The following ANKDD1B variants were observed in gnomAD, a reference collection of about 807,000 sequenced individuals.
ANKDD1B encodes ankyrin repeat and death domain-containing protein 1B.
A neutral mutation model predicts 59.7 loss-of-function variants in ANKDD1B; 57 were observed. The observed-to-expected ratio is 0.95, with a 90% CI of 0.77 to 1.19. The LOEUF (loss-of-function observed/expected upper bound fraction) is 1.19. Among genes scored for constraint, ANKDD1B ranks in the 50% most tolerant of loss-of-function variants. The pLI, the probability that ANKDD1B is intolerant of heterozygous loss-of-function variation, is 0.00. For missense variants in ANKDD1B, 602 were observed against 641.9 expected (o/e 0.94, Z 0.67); for synonymous variants, 216 against 239.5 (o/e 0.90, Z 0.91).
intron 1 of ANKDD1B, among the ~76,000 whole-genome samples, chr5:75,615,307 T>A (rs748952916): frequency 9.2e-5 from 14 of 152,150 alleles, no homozygotes; most frequent in Non-Finnish European, 2.1e-4. Context: ...ATTTGATGGC[T>A]AAGGTCAGAT....
chr5:75,653,331 T>A, intron 8 of ANKDD1B, 91 bp downstream of exon 8: 3 of 839,530 alleles, frequency 3.6e-6, no homozygotes. Flanking sequence ...GTGTAGGAGA[T>A]GAGATGTTTC....
chr5:75,665,571 T>C (rs956966234), intron 11 of ANKDD1B, among the ~76,000 whole-genome samples: 26 of 152,278 alleles, frequency 1.7e-4, no homozygotes, highest in Admixed American at 1.6e-3. Flanking sequence ...TGAGGCTGGG[T>C]TGGAGAAGAC....
At chr5:75,665,735 T>C (rs1399929990) in intron 11 of ANKDD1B, among the ~76,000 whole-genome samples, 1 of 152,196 alleles carries the variant, frequency 6.6e-6, no homozygotes, top group African/African-American at 2.4e-5. Context: ...CTTGTCGAGC[T>C]TCCTGGAGGA....
rs1194132692 is a variant in ANKDD1B at position 75,611,609 on chromosome 5, T to C, written c.-26T>C. On this transcript the variant is annotated 5_prime_UTR_variant, in exon 1 of 14. Coordinates refer to ENST00000601380, the MANE Select transcript of ANKDD1B (RefSeq NM_001276713.2). ...CTGGGTCCGAGTCTGGGTCTGGCCCTGCGCTCAGGGCCCGCGGAGGAGACT... is the reference window on the plus strand; with the variant it reads ...CTGGGTCCGAGTCTGGGTCTGGCCCCGCGCTCAGGGCCCGCGGAGGAGACT... 4.9e-6 allele frequency: 6 copies of C among 1,230,578 alleles called. No homozygotes were observed. The highest frequency in any genetic ancestry group is 5.1e-6 in the Non-Finnish European group (5 of 987,338). The allele number at this position is 1,230,578 out of a possible 1,614,324, so 76.2% of individuals were successfully genotyped here. A position where few individuals can be genotyped will look rare whatever the true frequency, so the allele number is the denominator to read the frequency against.
At chr5:75,611,939 C>A (rs1020719941) in intron 1 of ANKDD1B, 112 bp downstream of exon 1, 17 of 906,438 alleles carry the variant, frequency 1.9e-5, no homozygotes, top group Non-Finnish European at 2.3e-5. Context: ...GGGAAACTGG[C>A]GAGGCGACTC....
At chr5:75,621,670 A>G (rs574067287) in intron 3 of ANKDD1B, among the ~76,000 whole-genome samples, 71 of 152,310 alleles carry the variant, frequency 4.7e-4, no homozygotes, top group African/African-American at 1.6e-3. Flanking sequence ...CATTGCCCAT[A>G]TTAGATTGCA....
At chr5:75,625,006 TG>T (rs1773952998) in intron 3 of ANKDD1B, among the ~76,000 whole-genome samples, 1 of 152,244 alleles carries the variant, frequency 6.6e-6, no homozygotes, top group Non-Finnish European at 1.5e-5. Context: ...ATTCCTATGT[TG>T]ATAGGCTTTT....
At position 75,620,409 on chromosome 5, in the gene ANKDD1B, A is replaced by T; in HGVS notation, c.392A>T (p.Asp131Val). The change falls in exon 3 of 14, where the codon GAT (aspartate) becomes GTT (valine). Residue 131 changes from aspartate (D) to valine (V), a missense_variant. Asp to Val is a radical substitution (Grantham distance 152). Coordinates refer to ENST00000601380, the MANE Select transcript of ANKDD1B (RefSeq NM_001276713.2). The part of the protein sequence containing the change: ...LKHKARVDVA[D>V]KHGLTVIHLA... ...CACAAGGCCAGGGTGGATGTTGCTG[A>T]TAAGGTAAGCTCATCTTGAGTAGAA... 1 of 1,525,894 alleles carries T rather than the reference A, an allele frequency of 6.6e-7. No individual in the cohort carries two copies. The highest frequency in any genetic ancestry group is 8.8e-7 in the Non-Finnish European group (1 of 1,137,854). 94.5% of individuals were successfully genotyped at this position (1,525,894 alleles called of 1,614,324 possible). A position where few individuals can be genotyped will look rare whatever the true frequency, so the allele number is the denominator to read the frequency against.
At chr5:75,620,194 G>A (rs774115538) in intron 2 of ANKDD1B, 121 bp from the exon 3 acceptor site, 8 of 585,806 alleles carry the variant, frequency 1.4e-5, no homozygotes, top group Non-Finnish European at 2.4e-5. Flanking sequence ...AAGGCAAAGA[G>A]TGGAGCCAAA....
intron 8 of ANKDD1B, among the ~76,000 whole-genome samples, chr5:75,655,390 G>A (rs537602794): frequency 6.6e-5 from 10 of 152,292 alleles, no homozygotes; most frequent in African/African-American, 2.2e-4. Context: ...AGGGGGACAC[G>A]AGTCCTACAG....
intron 5 of ANKDD1B, 40 bp from the exon 6 acceptor site, chr5:75,634,858 A>C: frequency 7.7e-7 from 1 of 1,298,108 alleles, no homozygotes; most frequent in Non-Finnish European, 1.1e-6. Flanking sequence ...TTGTTCACTA[A>C]GACTGTAATA....
chr5:75,654,734 C>T (rs959478804), intron 8 of ANKDD1B, among the ~76,000 whole-genome samples: 8 of 152,156 alleles, frequency 5.3e-5, no homozygotes, highest in African/African-American at 1.7e-4. Context: ...ATAAGCACCA[C>T]GATGAGAATG....
In ANKDD1B at chr5:75,616,846, A is replaced by C; in HGVS notation, c.236A>C (p.Asn79Thr). 1 of 1,533,246 alleles carries C rather than the reference A, an allele frequency of 6.5e-7. No individual in the cohort carries two copies. The highest frequency in any genetic ancestry group is 8.7e-7 in the Non-Finnish European group (1 of 1,144,478). 95.0% of individuals were successfully genotyped at this position (1,533,246 alleles called of 1,614,324 possible). A position where few individuals can be genotyped will look rare whatever the true frequency, so the allele number is the denominator to read the frequency against. Residue 79 changes from asparagine (N) to threonine (T), a missense_variant, in exon 2 of 14, where the codon AAT (asparagine) becomes ACT (threonine). Asn to Thr is a moderately conservative substitution (Grantham distance 65). Transcript: ENST00000601380. Reference sequence around the variant, plus strand: ...AGCTTTCAGAATGCTGCTAAAAGCAATAATTTGGATCTTATGGAGAAGCTG... The same window carrying C: ...AGCTTTCAGAATGCTGCTAAAAGCACTAATTTGGATCTTATGGAGAAGCTG... ...ERSFQNAAKS[N>T]NLDLMEKLFE...
In ANKDD1B at chr5:75,616,795, TTC is replaced by T; in HGVS notation, c.194-7_194-6del. ...TTCCCTCAGTCATGCTTGCTTTGCT[TTC>T]TTTCAGTACTCCCAAATGAGAGAAG... is the stretch of plus-strand genomic sequence containing the variant. On this transcript the variant is annotated splice_region_variant and splice_polypyrimidine_tract_variant and intron_variant, in intron 1 of 13. Coordinates refer to ENST00000601380, the MANE Select transcript of ANKDD1B (RefSeq NM_001276713.2). 1 of 1,439,430 alleles carries T rather than the reference TTC, an allele frequency of 6.9e-7. No individual in the cohort carries two copies. 89.2% of individuals were successfully genotyped at this position (1,439,430 alleles called of 1,614,324 possible).
chr5:75,659,007 G>A (rs1011001911), intron 9 of ANKDD1B, among the ~76,000 whole-genome samples: 2 of 151,874 alleles, frequency 1.3e-5, no homozygotes, highest in African/African-American at 4.8e-5. Flanking sequence ...GACTACTTTA[G>A]GTACCTAATA....
chr5:75,650,181 G>T (rs916007283), intron 7 of ANKDD1B, among the ~76,000 whole-genome samples: 1 of 152,194 alleles, frequency 6.6e-6, no homozygotes, highest in Non-Finnish European at 1.5e-5. Flanking sequence ...TGGCAAAGGA[G>T]AATTTAAATT....
chr5:75,611,905 G>A, intron 1 of ANKDD1B, 78 bp downstream of exon 1: 1 of 1,153,872 alleles, frequency 8.7e-7, no homozygotes, highest in Non-Finnish European at 1.1e-6. Context: ...GGTACCCAGA[G>A]CAGCACCTCC....
chr5:75,666,771 A>G lies in ANKDD1B; in HGVS notation c.1192-21A>G, dbSNP rs1005527132. On this transcript the variant is annotated intron_variant, in intron 11 of 13. Transcript: ENST00000601380. Reference sequence around the variant, plus strand: ...AGTAGAACATGTCTGAAATCTTCTGATACAATTATTTTCACTTTAGGAGCA... The same window carrying G: ...AGTAGAACATGTCTGAAATCTTCTGGTACAATTATTTTCACTTTAGGAGCA... The G allele has an allele frequency of 3.3e-6, 5 of 1,500,188 alleles. No individual in the cohort carries two copies. In the African/African-American group the frequency reaches 6.9e-5, roughly 21 times the overall value. 92.9% of individuals were successfully genotyped at this position (1,500,188 alleles called of 1,614,324 possible). A position where few individuals can be genotyped will look rare whatever the true frequency, so the allele number is the denominator to read the frequency against.
At chr5:75,632,601 G>C (rs1263095532) in intron 5 of ANKDD1B, among the ~76,000 whole-genome samples, 2 of 152,158 alleles carry the variant, frequency 1.3e-5, no homozygotes, top group Non-Finnish European at 1.5e-5. Context: ...AATGAGCCAG[G>C]GGTCATTCTC....
Sources: allele counts gnomAD v4.1 joint callset (sites outside exome capture counted in the v4.1 genomes callset), GRCh38; gene constraint gnomAD v4.1.1; transcripts MANE v1.5; gene names NCBI Gene and HGNC (gene_info 2026-07-23, HGNC 2026-07-21).